The following FAM220A variants were observed in gnomAD, a reference collection of about 807,000 sequenced individuals.
The protein encoded by FAM220A is protein FAM220A.
For synonymous variants in FAM220A, 141 were observed against 130.7 expected, an observed-to-expected ratio of 1.08 and a Z score of -0.54; for missense variants, 392 against 321.6, an observed-to-expected ratio of 1.22 and a Z score of -1.68.
intron 1 of FAM220A, among the ~76,000 whole-genome samples, chr7:6,347,894 T>TATTATTATTATTATC (rs1781984698): frequency 6.9e-6 from 1 of 144,132 alleles, no homozygotes; most frequent in South Asian, 2.2e-4. Context: ...TTATTATTAT[T>TATTATTATTATTATC]ATTATTATTA....
At position 6,344,591 on chromosome 7, in the gene FAM220A, G is replaced by A. The variant is rs143883930; in HGVS notation, c.-82+3982C>T. ...GCACCACCACGCCCAGCTAATTTTT[G>A]TATTTTTTGTAGAGACGGAGTTTCG... On this transcript the variant is annotated intron_variant, in intron 1 of 1. Coordinates refer to ENST00000313324, the MANE Select transcript of FAM220A (RefSeq NM_001037163.2). Among the ~76,000 whole-genome samples the A allele has an allele frequency of 4.9e-3, 741 of 152,022 alleles. 15 individuals carry two copies. The highest frequency in any genetic ancestry group is 0.016 in the African/African-American group (684 of 41,468).
At chr7:6,332,045 G>A (rs1187581447) in intron 1 of FAM220A, among the ~76,000 whole-genome samples, 1 of 151,144 alleles carries the variant, frequency 6.6e-6, no homozygotes, top group Non-Finnish European at 1.5e-5. Flanking sequence ...CCAGGAGGTG[G>A]AAGTAGCTGT....
chr7:6,345,424 A>G (rs973752331), intron 1 of FAM220A, among the ~76,000 whole-genome samples: 1 of 151,940 alleles, frequency 6.6e-6, no homozygotes, highest in Admixed American at 6.6e-5. Context: ...CCTCGATCTG[A>G]TTTGTTTTTT....
chr7:6,330,287 TGCACAGTTTGCATCCA>T lies in FAM220A; in HGVS notation c.*72_*87del, dbSNP rs1781601943. On this transcript the variant is annotated 3_prime_UTR_variant, in exon 2 of 2. Coordinates refer to ENST00000313324, the MANE Select transcript of FAM220A (RefSeq NM_001037163.2). ...AAAACTACAGCAGGAACCTAAGGGC[TGCACAGTTTGCATCCA>T]GACTTAATGCGAAAGAAATCATTCT... 4.7e-6 allele frequency: 6 copies of T among 1,276,590 alleles called. No homozygotes were observed. Among genetic ancestry groups the T allele is most frequent in the Non-Finnish European group, 6.5e-6 (6 of 916,162 alleles). The allele number at this position is 1,276,590 out of a possible 1,614,324, so 79.1% of individuals were successfully genotyped here. A position where few individuals can be genotyped will look rare whatever the true frequency, so the allele number is the denominator to read the frequency against.
At chr7:6,336,178 A>AG (rs1781742358) in intron 1 of FAM220A, among the ~76,000 whole-genome samples, 1 of 151,016 alleles carries the variant, frequency 6.6e-6, no homozygotes, top group South Asian at 2.1e-4. Flanking sequence ...GCCTCAAAAA[A>AG]AAAAAAAAAA....
At chr7:6,338,699 G>C (rs1439445724) in intron 1 of FAM220A, 3 of 152,440 alleles carry the variant, frequency 2.0e-5, no homozygotes, top group Non-Finnish European at 4.4e-5. Flanking sequence ...ACAATGGCCT[G>C]ACCTACTTAG....
At chr7:6,332,820 C>T (rs552891163) in intron 1 of FAM220A, among the ~76,000 whole-genome samples, 1 of 152,234 alleles carries the variant, frequency 6.6e-6, no homozygotes, top group South Asian at 2.1e-4. Flanking sequence ...TCTTATGGAA[C>T]TAGGAGACTC....
At chr7:6,336,623 G>A (rs1011712797) in intron 1 of FAM220A, among the ~76,000 whole-genome samples, 15 of 151,404 alleles carry the variant, frequency 9.9e-5, no homozygotes, top group African/African-American at 3.6e-4. Flanking sequence ...AGCAGAGGCT[G>A]CCGTGAGCCA....
intron 1 of FAM220A, among the ~76,000 whole-genome samples, chr7:6,347,980 G>T (rs1282810515): frequency 6.6e-6 from 1 of 150,630 alleles, no homozygotes; most frequent in East Asian, 1.9e-4. Flanking sequence ...GAGCGATCTC[G>T]GCTCACCGCA....
rs1362383832 is a variant in FAM220A, at chr7:6,348,756, CAT to C, written c.-267_-266del. 1 of 400,408 alleles carries C rather than the reference CAT, an allele frequency of 2.5e-6. No homozygotes were observed. Among genetic ancestry groups the C allele is most frequent in the Non-Finnish European group, 4.4e-6 (1 of 226,876 alleles). 24.8% of individuals were successfully genotyped at this position (400,408 alleles called of 1,614,324 possible). ...CAGCCAGGCCCGACAGAGCCGCCGC[CAT>C]ATAGAGACCGGCGCTCCCACAGCCC... On this transcript the variant is annotated 5_prime_UTR_variant, in exon 1 of 2. It adds an upstream start codon to the 5' untranslated region. Coordinates refer to ENST00000313324, the MANE Select transcript of FAM220A (RefSeq NM_001037163.2).
At chr7:6,348,157 GC>G (rs1781991790) in intron 1 of FAM220A, among the ~76,000 whole-genome samples, 1 of 147,900 alleles carries the variant, frequency 6.8e-6, no homozygotes, top group Non-Finnish European at 1.5e-5. Flanking sequence ...TAATCCGCCC[GC>G]CTCAGCCTCC....
chr7:6,336,372 T>C (rs146367542), intron 1 of FAM220A, among the ~76,000 whole-genome samples: 64 of 150,820 alleles, frequency 4.2e-4, no homozygotes, highest in African/African-American at 1.4e-3. Flanking sequence ...AAAAACTGTA[T>C]ATATATGAAC....
intron 1 of FAM220A, among the ~76,000 whole-genome samples, chr7:6,338,280 T>C (rs1315937527): frequency 5.3e-5 from 8 of 152,322 alleles, no homozygotes; most frequent in African/African-American, 1.9e-4. Flanking sequence ...TTTCTCAGTA[T>C]GCTAGAGATA....
At chr7:6,343,442 A>G (rs866972904) in intron 1 of FAM220A, among the ~76,000 whole-genome samples, 109 of 114,286 alleles carry the variant, frequency 9.5e-4, no homozygotes, top group African/African-American at 3.3e-3. Flanking sequence ...ATATATATAT[A>G]TATGATCTAG....
In FAM220A at chr7:6,330,738, G is replaced by A. The variant is rs778571981; in HGVS notation, c.417C>T (p.Asp139=). The part of the protein sequence containing the change: ...DWLGGGPRAT[D]GHRGQCPKGE... ...CTTTGGGGCACTGTCCTCTGTGGCC[G>A]TCAGTGGCCCTGGGCCCTCCTCCCA... Residue 139 remains aspartate, a synonymous_variant, in exon 2 of 2, where the codon GAC becomes GAT. Transcript: ENST00000313324. The A allele has an allele frequency of 6.2e-6, 10 of 1,613,986 alleles. No homozygotes were observed. Among genetic ancestry groups the A allele is most frequent in the East Asian group, 4.5e-5 (2 of 44,890 alleles).
At chr7:6,347,885 T>TATTATTATC (rs1323000909) in intron 1 of FAM220A, among the ~76,000 whole-genome samples, 4 of 61,664 alleles carry the variant, frequency 6.5e-5, no homozygotes, top group African/African-American at 3.4e-4. Flanking sequence ...GAGACCCCTT[T>TATTATTATC]ATTATTATTA....
intron 1 of FAM220A, among the ~76,000 whole-genome samples, chr7:6,344,916 A>AT (rs548152931): frequency 6.7e-6 from 1 of 149,402 alleles, no homozygotes. Context: ...TAATTTTTGT[A>AT]TTTTAGTAGA....
intron 1 of FAM220A, among the ~76,000 whole-genome samples, chr7:6,337,607 C>T (rs1261454441): frequency 1.3e-5 from 2 of 151,408 alleles, no homozygotes; most frequent in Non-Finnish European, 2.9e-5. Context: ...ATTTCCTTAG[C>T]AAACTAACGC....
intron 1 of FAM220A, among the ~76,000 whole-genome samples, chr7:6,336,625 C>T (rs117613773): frequency 0.028 from 4,167 of 149,712 alleles, 77 homozygotes; most frequent in Non-Finnish European, 0.046. Flanking sequence ...CAGAGGCTGC[C>T]GTGAGCCAAG....
Sources: allele counts gnomAD v4.1 joint callset (sites outside exome capture counted in the v4.1 genomes callset), GRCh38; gene constraint gnomAD v4.1.1; transcripts MANE v1.5; gene names NCBI Gene and HGNC (gene_info 2026-07-23, HGNC 2026-07-21).